CASP6: variants seen among roughly 807,000 people sequenced by gnomAD.
CASP6 encodes caspase 6.
Under a neutral mutation model 31.8 loss-of-function variants are expected in CASP6, and 20 were observed. The observed-to-expected ratio is 0.63, with a 90% CI of 0.44 to 0.91. The LOEUF is 0.91. Ranked by LOEUF, CASP6 falls within the 40% of genes least tolerant of loss-of-function variation. CASP6 has a pLI of 0.00. For synonymous variants in CASP6, 130 were observed against 127.8 expected, an observed-to-expected ratio of 1.02 and a Z score of -0.12; for missense variants, 328 against 361.1, an observed-to-expected ratio of 0.91 and a Z score of 0.74.
At chr4:109,696,168 T>C (rs1730232464) in intron 4 of CASP6, among the ~76,000 whole-genome samples, 1 of 152,194 alleles carries the variant, frequency 6.6e-6, no homozygotes, top group African/African-American at 2.4e-5. Context: ...ATTTCATTCA[T>C]TTCTACAAGA....
At chr4:109,667,787 A>C in the CASP6 span, among the ~76,000 whole-genome samples, 1 of 151,126 alleles carries the variant, frequency 6.6e-6, no homozygotes, top group African/African-American at 2.4e-5. Context: ...TATGTATTCA[A>C]TCCTATAGAT....
upstream of CASP6, among the ~76,000 whole-genome samples, chr4:109,704,337 GA>G (rs1730533299): frequency 1.3e-5 from 2 of 152,126 alleles, no homozygotes; most frequent in African/African-American, 4.8e-5. Flanking sequence ...GAATGCAAAG[GA>G]AAAAATTTTG....
At chr4:109,696,302 A>AT (rs1285545051) in intron 4 of CASP6, 108 bp downstream of exon 4, 1 of 765,100 alleles carries the variant, frequency 1.3e-6, no homozygotes, top group Non-Finnish European at 2.1e-6. Context: ...TGCTAAATTA[A>AT]TACTTTTTTT....
At chr4:109,705,722 A>T (rs1730579130), upstream of CASP6, among the ~76,000 whole-genome samples, 1 of 151,930 alleles carries the variant, frequency 6.6e-6, no homozygotes. Context: ...TCATGCCTGT[A>T]AACCCAGCAC....
At chr4:109,703,509 G>C, upstream of CASP6, 1 of 1,370,692 alleles carries the variant, frequency 7.3e-7, no homozygotes, top group Non-Finnish European at 1.0e-6. Flanking sequence ...GCCCCCGAGC[G>C]TGGGGCCAGT....
chr4:109,699,152 A>G (rs1730341525), intron 1 of CASP6, among the ~76,000 whole-genome samples: 1 of 152,238 alleles, frequency 6.6e-6, no homozygotes, highest in Non-Finnish European at 1.5e-5. Flanking sequence ...AAAGTGTGGC[A>G]TCTTCTACAA....
At chr4:109,700,809 T>A (rs971245978) in intron 1 of CASP6, among the ~76,000 whole-genome samples, 1 of 152,190 alleles carries the variant, frequency 6.6e-6, no homozygotes, top group African/African-American at 2.4e-5. Context: ...TGCCAGGACC[T>A]AAGTTCCAAT....
At chr4:109,703,509 G>T, upstream of CASP6, 18 of 1,370,686 alleles carry the variant, frequency 1.3e-5, no homozygotes, top group Non-Finnish European at 1.7e-5. Flanking sequence ...GCCCCCGAGC[G>T]TGGGGCCAGT....
At chr4:109,697,794 T>A in intron 2 of CASP6, 26 bp from the exon 3 acceptor site, 1 of 1,604,480 alleles carries the variant, frequency 6.2e-7, no homozygotes, top group Non-Finnish European at 8.5e-7. Context: ...TGAAAAACAA[T>A]CACTTCAAGT....
At chr4:109,681,827 C>T in the CASP6 span, among the ~76,000 whole-genome samples, 20 of 152,290 alleles carry the variant, frequency 1.3e-4, no homozygotes, top group East Asian at 3.7e-3. Context: ...GGACAGTGAG[C>T]GAAAGCTCAG....
chr4:109,699,469 G>T lies in CASP6; in HGVS notation c.41-1127C>A, dbSNP rs79550848. 3.2e-3 allele frequency among the ~76,000 whole-genome samples: 487 copies of T among 152,188 alleles called. 3 individuals carry two copies. Among genetic ancestry groups the T allele is most frequent in the African/African-American group, 0.011 (468 of 41,514 alleles). On this transcript the variant is annotated intron_variant, in intron 1 of 6. Coordinates refer to ENST00000265164, the MANE Select transcript of CASP6 (RefSeq NM_001226.4). ...CTTTTAGCCTATTCCTCCTGGAACT[G>T]CCCCAAGCAATGAGACCCAACTAAG...
chr4:109,686,249 T>G (rs1284422053), downstream of CASP6, among the ~76,000 whole-genome samples: 2 of 152,144 alleles, frequency 1.3e-5, no homozygotes, highest in African/African-American at 4.8e-5. Flanking sequence ...GTGATTCTTG[T>G]GCCTCAGCCT....
intron 4 of CASP6, 66 bp downstream of exon 4, chr4:109,696,344 A>T: frequency 8.7e-7 from 1 of 1,149,974 alleles, no homozygotes; most frequent in Non-Finnish European, 1.3e-6. Flanking sequence ...ACCTGTCTTT[A>T]CAGATAGGAT....
In CASP6 at chr4:109,689,360, T is replaced by TTTAG. The variant is rs754936713; in HGVS notation, c.848_851dup (p.Lys284AsnfsTer2). Reference sequence around the variant, plus strand: ...TAGATTTTGGAAAGAAATGCAGCTTTTTAGTTAGCATTGAGGCAAAACAGG... The same window carrying TTTAG: ...TAGATTTTGGAAAGAAATGCAGCTTTTTAGTTAGTTAGCATTGAGGCAAAACAGG... On this transcript the variant is annotated stop_gained and frameshift_variant, in exon 7 of 7. Coordinates refer to ENST00000265164, the MANE Select transcript of CASP6 (RefSeq NM_001226.4). LOFTEE classifies it high-confidence loss of function. 3.7e-6 allele frequency: 6 copies of TTTAG among 1,614,154 alleles called. No homozygotes were observed. The highest frequency in any genetic ancestry group is 3.4e-6 in the Non-Finnish European group (4 of 1,179,992).
the CASP6 span, among the ~76,000 whole-genome samples, chr4:109,677,578 G>A: frequency 6.6e-6 from 1 of 152,164 alleles, no homozygotes; most frequent in African/African-American, 2.4e-5. Flanking sequence ...TTTAGGTCAT[G>A]AGGACCAACG....
chr4:109,670,758 G>A, the CASP6 span, among the ~76,000 whole-genome samples: 1 of 151,548 alleles, frequency 6.6e-6, no homozygotes, highest in African/African-American at 2.4e-5. Context: ...AGAATTCTCT[G>A]GCATATTTCA....
the CASP6 span, chr4:109,683,031 C>G: frequency 8.3e-6 from 2 of 240,704 alleles, no homozygotes; most frequent in Non-Finnish European, 1.6e-5. Flanking sequence ...AGAGATCAGT[C>G]ATAATGTCTC....
downstream of CASP6, chr4:109,684,499 T>A (rs972986122): frequency 3.0e-5 from 49 of 1,613,964 alleles, no homozygotes; most frequent in Non-Finnish European, 4.1e-5. Flanking sequence ...TCCTGTGGGC[T>A]GGATTGGCAC....
At chr4:109,668,838 C>T in the CASP6 span, among the ~76,000 whole-genome samples, 1 of 151,838 alleles carries the variant, frequency 6.6e-6, no homozygotes. Flanking sequence ...TAAGAGTTTG[C>T]AATATACATT....
Sources: gnomAD v4.1 joint callset for allele counts (sites outside exome capture counted in the v4.1 genomes callset) on GRCh38, gnomAD v4.1.1 for gene constraint, MANE v1.5 for transcripts, NCBI Gene and HGNC (gene_info 2026-07-23, HGNC 2026-07-21) for gene names.